GABRD: variants seen among roughly 807,000 people sequenced by gnomAD.
The protein encoded by GABRD is gamma-aminobutyric acid type A receptor subunit delta.
GABRD carries 25 observed loss-of-function variants against 47.3 expected under a neutral mutation model. That is an observed-to-expected ratio of 0.53 (90% confidence interval 0.39 to 0.74). The LOEUF (loss-of-function observed/expected upper bound fraction) is 0.74, where lower values mean the gene tolerates loss of function less well. Ranked by LOEUF, GABRD falls within the 30% of genes least tolerant of loss-of-function variation. GABRD has a pLI of 0.00. For missense variants in GABRD, 497 were observed against 643.4 expected, an observed-to-expected ratio of 0.77 and a Z score of 2.46; for synonymous variants, 314 against 278.8, an observed-to-expected ratio of 1.13 and a Z score of -1.26.
Position 2,028,308 on chromosome 1 carries a change from C to G in GABRD, c.691+16C>G. 1 of 1,601,414 alleles carries G rather than the reference C, an allele frequency of 6.2e-7. No individual in the cohort carries two copies. The highest frequency in any genetic ancestry group is 8.5e-7 in the Non-Finnish European group (1 of 1,173,206). ...TTCAAGTCCGGTAACATATGCCCGCCGCCCCTTCCGCATGTGCCCGCCGCC... is the reference window on the plus strand; with the variant it reads ...TTCAAGTCCGGTAACATATGCCCGCGGCCCCTTCCGCATGTGCCCGCCGCC... On this transcript the variant is annotated intron_variant, in intron 6 of 8. Transcript: ENST00000378585. The surrounding 1 kb of genome is among the most constrained non-coding windows in gnomAD (Gnocchi z 6.4).
intron 1 of GABRD, 140 bp from the exon 2 acceptor site, chr1:2,024,802 C>T (rs1658873089): frequency 3.2e-6 from 2 of 632,776 alleles, no homozygotes; most frequent in Non-Finnish European, 5.7e-6. Flanking sequence ...GCCAGGCCCC[C>T]ACCTGCAAGG....
intron 4 of GABRD, chr1:2,026,662 C>G (rs1361693859): frequency 6.6e-6 from 1 of 151,934 alleles, no homozygotes; most frequent in Non-Finnish European, 1.5e-5. Context: ...GGTGAAACCC[C>G]GTCTCTACTA....
rs768454474 is a variant in GABRD, at chr1:2,024,966, C to T, written c.93C>T (p.Tyr31=). Residue 31 remains tyrosine (Y), a synonymous_variant, in exon 2 of 9, where the codon TAC becomes TAT. Coordinates refer to ENST00000378585, the MANE Select transcript of GABRD (RefSeq NM_000815.5). Reference sequence around the variant, plus strand: ...GAGCGATGAATGACATCGGCGACTACGTGGGCTCCAACCTGGAGATCTCCT... The same window carrying T: ...GAGCGATGAATGACATCGGCGACTATGTGGGCTCCAACCTGGAGATCTCCT... ...GTRAMNDIGD[Y]VGSNLEISWL... is the part of the protein sequence containing the mutation. 1.2e-5 allele frequency: 19 copies of T among 1,612,648 alleles called. No individual in the cohort carries two copies. Among genetic ancestry groups the T allele is most frequent in the African/African-American group, 9.3e-5 (7 of 74,942 alleles).
rs1231232821 is a variant in GABRD, at chr1:2,029,271, G to A, written c.847+5G>A. Reference sequence around the variant, plus strand: ...TGCCCGCCAGGGTGTCTCTAGGTACGGGGCCTCGCCGCTGCTCCGAGGGAG... The same window carrying A: ...TGCCCGCCAGGGTGTCTCTAGGTACAGGGCCTCGCCGCTGCTCCGAGGGAG... On this transcript the variant is annotated splice_donor_5th_base_variant and intron_variant, in intron 7 of 8. Coordinates refer to ENST00000378585, the MANE Select transcript of GABRD (RefSeq NM_000815.5). The A allele has an allele frequency of 8.4e-6, 13 of 1,553,754 alleles. No individual in the cohort carries two copies. Among genetic ancestry groups the A allele is most frequent in the East Asian group, 2.4e-5 (1 of 41,444 alleles).
rs1232149548 is a variant in GABRD, at chr1:2,028,512, G to A, written c.691+220G>A. Among the ~76,000 whole-genome samples, 1 of 152,164 alleles carries A rather than the reference G, an allele frequency of 6.6e-6. No homozygotes were observed. Among genetic ancestry groups the A allele is most frequent in the Non-Finnish European group, 1.5e-5 (1 of 68,024 alleles). On this transcript the variant is annotated intron_variant, in intron 6 of 8. Transcript: ENST00000378585. This position sits in a 1 kb window ranked among gnomAD's most constrained non-coding sequence, Gnocchi z 6.4. ...ATTGGCACCAGCTGCACCTGAACCA[G>A]GGCTTCCAGGCCTGCCATTGTGTGG...
rs1318635053 is a variant in GABRD at position 2,028,915 on chromosome 1, G to A, written c.692-196G>A. On this transcript the variant is annotated intron_variant, in intron 6 of 8. Coordinates refer to ENST00000378585, the MANE Select transcript of GABRD (RefSeq NM_000815.5). This position sits in a 1 kb window ranked among gnomAD's most constrained non-coding sequence, Gnocchi z 6.4. Reference sequence around the variant, plus strand: ...CTCTGGGTGACACTGCTCAGGACCAGCCTGTCCTGTGGCCAGACCTAGGGC... The same window carrying A: ...CTCTGGGTGACACTGCTCAGGACCAACCTGTCCTGTGGCCAGACCTAGGGC... 2 of 646,658 alleles carry A rather than the reference G, an allele frequency of 3.1e-6. No individual in the cohort carries two copies. The highest frequency in any genetic ancestry group is 5.3e-6 in the Non-Finnish European group (2 of 379,490). 40.1% of individuals were successfully genotyped at this position (646,658 alleles called of 1,614,324 possible).
intron 6 of GABRD, 39 bp from the exon 7 acceptor site, chr1:2,029,072 G>A (rs1349068870): frequency 1.3e-6 from 2 of 1,536,520 alleles, no homozygotes; most frequent in Non-Finnish European, 1.7e-6. Context: ...GGGCTGGGCT[G>A]GGCAGGGATG....
chr1:2,024,620 G>A, intron 1 of GABRD: 1 of 208,518 alleles, frequency 4.8e-6, no homozygotes, highest in Non-Finnish European at 9.6e-6. Flanking sequence ...GAGGCTGTTA[G>A]CCTGGGAGCT....
rs778670884 is a variant in GABRD at position 2,028,299 on chromosome 1, T to A, written c.691+7T>A. Reference sequence around the variant, plus strand: ...CTGATGAACTTCAAGTCCGGTAACATATGCCCGCCGCCCCTTCCGCATGTG... The same window carrying A: ...CTGATGAACTTCAAGTCCGGTAACAAATGCCCGCCGCCCCTTCCGCATGTG... On this transcript the variant is annotated splice_region_variant and intron_variant, in intron 6 of 8. Transcript: ENST00000378585. The surrounding 1 kb of genome is among the most constrained non-coding windows in gnomAD (Gnocchi z 6.4). The A allele has an allele frequency of 1.2e-6, 2 of 1,606,232 alleles. No homozygotes were observed. The highest frequency in any genetic ancestry group is 3.3e-5 in the Admixed American group (2 of 59,784).
Position 2,029,864 on chromosome 1 carries a change from C to T in GABRD, c.1059+102C>T, listed in dbSNP as rs192267631. On this transcript the variant is annotated intron_variant, in intron 8 of 8. Transcript: ENST00000378585. ...GTGGGTCCCAGCTGTGCTCCCTGAG[C>T]GTGGGGGGCTGGAGCTGCTGGTCCA... 919 of 1,506,098 alleles carry T rather than the reference C, an allele frequency of 6.1e-4. 5 individuals are homozygous for T. The African/African-American group carries it at 0.01, about 17-fold the overall frequency. 93.3% of individuals were successfully genotyped at this position (1,506,098 alleles called of 1,614,324 possible). A position where few individuals can be genotyped will look rare whatever the true frequency, so the allele number is the denominator to read the frequency against.
At chr1:2,027,400 T>C in intron 4 of GABRD, 177 bp from the exon 5 acceptor site, 1 of 668,004 alleles carries the variant, frequency 1.5e-6, no homozygotes, top group Non-Finnish European at 2.7e-6. Context: ...AAAGGAATAC[T>C]TGACGTCTAT....
Position 2,019,403 on chromosome 1 carries a change from C to T in GABRD, c.-21C>T, listed in dbSNP as rs894870227. On this transcript the variant is annotated 5_prime_UTR_variant, in exon 1 of 9. Transcript: ENST00000378585. Reference sequence around the variant, plus strand: ...CCGGGAGCCAAGTTTGCGCGGACCCCGTCCCGAGCCCGCCGCGGCCATGGA... The same window carrying T: ...CCGGGAGCCAAGTTTGCGCGGACCCTGTCCCGAGCCCGCCGCGGCCATGGA... The T allele has an allele frequency of 3.8e-6, 4 of 1,060,386 alleles. No individual in the cohort carries two copies. In the African/African-American group the frequency reaches 5.2e-5, roughly 14 times the overall value. The allele number at this position is 1,060,386 out of a possible 1,614,324, so 65.7% of individuals were successfully genotyped here.
rs373260836 is a variant in GABRD, at chr1:2,028,003, C to T, written c.554-152C>T. On this transcript the variant is annotated intron_variant, in intron 5 of 8. Transcript: ENST00000378585. This position sits in a 1 kb window ranked among gnomAD's most constrained non-coding sequence, Gnocchi z 6.4. ...GAGGAGCCCGACGTGGTCCCAGAGC[C>T]GAAGGTCTCCTCGCTCCTGGCTGGG... The T allele has an allele frequency of 7.1e-6, 6 of 850,776 alleles. No homozygotes were observed. The highest frequency in any genetic ancestry group is 1.1e-5 in the Non-Finnish European group (6 of 558,928). The allele number at this position is 850,776 out of a possible 1,614,324, so 52.7% of individuals were successfully genotyped here. A position where few individuals can be genotyped will look rare whatever the true frequency, so the allele number is the denominator to read the frequency against.
At chr1:2,023,896 G>A (rs1658850612) in intron 1 of GABRD, 1 of 152,190 alleles carries the variant, frequency 6.6e-6, no homozygotes, top group African/African-American at 2.4e-5. Flanking sequence ...TCAAGGTGTG[G>A]GTGGGGCTCG....
Position 2,025,336 on chromosome 1 carries a change from C to A in GABRD, c.184C>A (p.Pro62Thr), listed in dbSNP as rs1228013292. Residue 62 changes from proline to threonine, a missense_variant and splice_region_variant, in exon 3 of 9, where the codon CCC becomes ACC. Coordinates refer to ENST00000378585, the MANE Select transcript of GABRD (RefSeq NM_000815.5). The part of the protein sequence containing the change: ...ARNFRPGIGG[P>T]PVNVALALEV... ...TTAGTTCTGCTCTTTCCTTGCAGGC[C>A]CCCCCGTGAATGTGGCCCTTGCCCT... The A allele has an allele frequency of 1.2e-6, 2 of 1,613,086 alleles. No homozygotes were observed. The highest frequency in any genetic ancestry group is 2.2e-5 in the East Asian group (1 of 44,890).
chr1:2,022,901 G>A (rs565741009), intron 1 of GABRD, among the ~76,000 whole-genome samples: 3 of 152,328 alleles, frequency 2.0e-5, no homozygotes, highest in East Asian at 1.9e-4. Context: ...GCTAAGGAAC[G>A]TTTGGTTCAA....
chr1:2,025,565 G>C lies in GABRD; in HGVS notation c.297G>C (p.Arg99Ser), dbSNP rs1316502661. ...TGCACCAGAGCTGGCGGGACAGCAG[G>C]CTCTCCTACAACCACACCAACGAGA... The part of the protein sequence containing the change: ...VFLHQSWRDS[R>S]LSYNHTNETL... Residue 99 changes from arginine to serine, a missense_variant, in exon 4 of 9, where the codon AGG becomes AGC. Arg to Ser is a moderately radical substitution (Grantham distance 110, BLOSUM62 -1). This residue lies in a region of GABRD where 285 missense variants were observed against 436.6 expected (regional missense o/e 0.65). Transcript: ENST00000378585. 6.2e-7 allele frequency: 1 copy of C among 1,612,946 alleles called. No homozygotes were observed. The highest frequency in any genetic ancestry group is 1.3e-5 in the African/African-American group (1 of 74,940).
At chr1:2,027,427 C>T in intron 4 of GABRD, 150 bp from the exon 5 acceptor site, 2 of 706,526 alleles carry the variant, frequency 2.8e-6, no homozygotes, top group Non-Finnish European at 5.2e-6. Flanking sequence ...GAGCAGTTTC[C>T]AGGTTTACCT....
intron 1 of GABRD, among the ~76,000 whole-genome samples, chr1:2,020,038 G>T (rs1226678636): frequency 6.6e-6 from 1 of 152,252 alleles, no homozygotes; most frequent in Non-Finnish European, 1.5e-5. Flanking sequence ...GTTTCAAATG[G>T]CGTGGGCAGA....
Sources: allele counts gnomAD v4.1 joint callset (sites outside exome capture counted in the v4.1 genomes callset), GRCh38; gene constraint gnomAD v4.1.1; regional missense constraint gnomAD v4.1.1; non-coding constraint Gnocchi (gnomAD v3.1); transcripts MANE v1.5; gene names NCBI Gene and HGNC (gene_info 2026-07-23, HGNC 2026-07-21).